JAKMIP3: variants seen among roughly 807,000 people sequenced by gnomAD.
JAKMIP3 encodes Janus kinase and microtubule interacting protein 3, also known as janus kinase and microtubule-interacting protein 3.
A neutral mutation model predicts 118.5 loss-of-function variants in JAKMIP3; 58 were observed. The observed-to-expected ratio is 0.49, with a 90% CI of 0.40 to 0.61. JAKMIP3 has a LOEUF of 0.61. Among genes scored for constraint, JAKMIP3 ranks in the 20% least tolerant of loss-of-function variants. The pLI is 0.00. For missense variants in JAKMIP3, 950 were observed against 1,109.0 expected (o/e 0.86, Z 2.04); for synonymous variants, 486 against 451.2 (o/e 1.08, Z -0.98).
chr10:132,107,023 A>G (rs1271113853), intron 2 of JAKMIP3, among the ~76,000 whole-genome samples: 1 of 149,842 alleles, frequency 6.7e-6, no homozygotes, highest in Non-Finnish European at 1.5e-5. Context: ...AACTGAGACC[A>G]CAGGTGTGCA....
chr10:132,062,443 CAG>C (rs2038426334), upstream of JAKMIP3, among the ~76,000 whole-genome samples: 1 of 152,182 alleles, frequency 6.6e-6, no homozygotes. Flanking sequence ...GATGCGAAAA[CAG>C]AACCCGCCTA....
intron 3 of JAKMIP3, among the ~76,000 whole-genome samples, chr10:132,130,801 G>A (rs2050424998): frequency 1.3e-5 from 2 of 152,278 alleles, no homozygotes; most frequent in East Asian, 1.9e-4. Flanking sequence ...GTGGGGCAGT[G>A]GTGAGATCAT....
chr10:132,170,831 C>T (rs2059421907), intron 23 of JAKMIP3, among the ~76,000 whole-genome samples: 1 of 152,200 alleles, frequency 6.6e-6, no homozygotes, highest in Non-Finnish European at 1.5e-5. Context: ...CTGTACAGCT[C>T]CGCACAGAAG....
chr10:132,096,305 A>C (rs2043849436), intron 1 of JAKMIP3, among the ~76,000 whole-genome samples: 1 of 152,200 alleles, frequency 6.6e-6, no homozygotes, highest in Admixed American at 6.5e-5. Context: ...CAATTCTTAT[A>C]TCTCAAAAGG....
intron 1 of JAKMIP3, among the ~76,000 whole-genome samples, chr10:132,088,367 C>G (rs915993425): frequency 3.3e-5 from 5 of 152,300 alleles, no homozygotes; most frequent in African/African-American, 1.2e-4. Context: ...TCTCCAGCAC[C>G]TGTTGTTTCC....
intron 1 of JAKMIP3, among the ~76,000 whole-genome samples, chr10:132,046,554 G>A (rs1333726504): frequency 6.6e-6 from 1 of 152,066 alleles, no homozygotes; most frequent in East Asian, 1.9e-4. Flanking sequence ...TGTGTGTCCA[G>A]CTCGCCCAAC....
intron 1 of JAKMIP3, among the ~76,000 whole-genome samples, chr10:132,055,631 C>T (rs948883890): frequency 1.3e-5 from 2 of 152,298 alleles, no homozygotes; most frequent in South Asian, 2.1e-4. Flanking sequence ...TATCAGTTGG[C>T]ATGTGCCTCG....
intron 11 of JAKMIP3, among the ~76,000 whole-genome samples, chr10:132,142,406 A>G (rs981859445): frequency 1.3e-5 from 2 of 152,158 alleles, no homozygotes; most frequent in Admixed American, 6.5e-5. Flanking sequence ...GGCCCGTGGC[A>G]GCATCGAGCT....
intron 1 of JAKMIP3, among the ~76,000 whole-genome samples, chr10:132,053,637 A>G (rs1037164331): frequency 6.6e-6 from 1 of 152,092 alleles, no homozygotes; most frequent in African/African-American, 2.4e-5. Context: ...TCTAGTTCTG[A>G]CCTCACCTCG....
chr10:132,038,545 C>G (rs1243624197), intron 1 of JAKMIP3, among the ~76,000 whole-genome samples: 3 of 152,134 alleles, frequency 2.0e-5, no homozygotes, highest in Non-Finnish European at 4.4e-5. Context: ...GCCTGGAATC[C>G]CAGCACTTTG....
At chr10:132,104,651 G>A (rs79262691) in intron 1 of JAKMIP3, 21 bp from the exon 2 acceptor site, 80,303 of 738,676 alleles carry the variant, frequency 0.11, 5,166 homozygotes, top group East Asian at 0.26. Context: ...GCTGCTCACC[G>A]CGGTGTGCTT....
Position 132,180,792 on chromosome 10 carries a change from C to T in JAKMIP3, c.*1104-1565C>T, listed in dbSNP as rs957128085. ...GTGCGTGTGTGTGTGTGCGCGTATGCATGTGCTGTGAGTGGTGTGTTGTGT... is the reference window on the plus strand; with the variant it reads ...GTGCGTGTGTGTGTGTGCGCGTATGTATGTGCTGTGAGTGGTGTGTTGTGT... On this transcript the variant is annotated intron_variant, in intron 23 of 23. Transcript: ENST00000684848. 5.4e-4 allele frequency among the ~76,000 whole-genome samples: 70 copies of T among 129,756 alleles called. 17 individuals carry two copies. The highest frequency in any genetic ancestry group is 2.3e-3 in the African/African-American group (69 of 30,586). 85.1% of individuals were successfully genotyped at this position (129,756 alleles called of 152,430 possible). A position where few individuals can be genotyped will look rare whatever the true frequency, so the allele number is the denominator to read the frequency against.
At chr10:132,103,283 G>A (rs2045305837) in intron 1 of JAKMIP3, among the ~76,000 whole-genome samples, 1 of 151,522 alleles carries the variant, frequency 6.6e-6, no homozygotes, top group Non-Finnish European at 1.5e-5. Flanking sequence ...GGAGCACCGG[G>A]GGTCCTTGAC....
At chr10:132,056,893 A>T (rs2038252226) in intron 1 of JAKMIP3, among the ~76,000 whole-genome samples, 1 of 152,080 alleles carries the variant, frequency 6.6e-6, no homozygotes, top group Non-Finnish European at 1.5e-5. Flanking sequence ...GCTCCCACCC[A>T]GTGGTCCAGA....
intron 1 of JAKMIP3, among the ~76,000 whole-genome samples, chr10:132,043,369 C>G (rs1006740161): frequency 1.3e-5 from 2 of 151,964 alleles, no homozygotes; most frequent in African/African-American, 4.8e-5. Flanking sequence ...TGCACCTGGC[C>G]CTTTCCGTTT....
intron 1 of JAKMIP3, among the ~76,000 whole-genome samples, chr10:132,043,000 G>A (rs753481451): frequency 9.9e-5 from 15 of 151,724 alleles, no homozygotes; most frequent in South Asian, 2.1e-4. Flanking sequence ...AGATTGAGGT[G>A]GGAGGACTAC....
chr10:132,126,979 T>C (rs568076229), intron 3 of JAKMIP3, among the ~76,000 whole-genome samples: 10 of 152,320 alleles, frequency 6.6e-5, no homozygotes, highest in African/African-American at 2.2e-4. Context: ...ATTCTCCTTT[T>C]TCTATTCTCT....
chr10:132,168,528 G>A lies in JAKMIP3; in HGVS notation c.*598G>A, dbSNP rs1428077737. Reference sequence around the variant, plus strand: ...TATGTTGCTGGGGTCCTGAGCACCCGCTGGCCAACAGACCCCACATCCACC... The same window carrying A: ...TATGTTGCTGGGGTCCTGAGCACCCACTGGCCAACAGACCCCACATCCACC... On this transcript the variant is annotated 3_prime_UTR_variant, in exon 23 of 24. Coordinates refer to ENST00000684848, the MANE Select transcript of JAKMIP3 (RefSeq NM_001323087.2). 2 of 511,176 alleles carry A rather than the reference G, an allele frequency of 3.9e-6. No individual in the cohort carries two copies. The highest frequency in any genetic ancestry group is 7.0e-5 in the East Asian group (1 of 14,262). 31.7% of individuals were successfully genotyped at this position (511,176 alleles called of 1,614,324 possible).
chr10:132,087,229 CT>C (rs1307407561), intron 1 of JAKMIP3, among the ~76,000 whole-genome samples: 1 of 152,168 alleles, frequency 6.6e-6, no homozygotes, highest in Non-Finnish European at 1.5e-5. Flanking sequence ...GAGAAATCTG[CT>C]GTTAATCTGA....
Sources: allele counts gnomAD v4.1 joint callset (sites outside exome capture counted in the v4.1 genomes callset), GRCh38; gene constraint gnomAD v4.1.1; transcripts MANE v1.5; gene names NCBI Gene and HGNC (gene_info 2026-07-23, HGNC 2026-07-21).